The following PPM1L variants were observed in gnomAD, a reference collection of about 807,000 sequenced individuals.
The protein encoded by PPM1L is protein phosphatase, Mg2+/Mn2+ dependent 1L, also known as protein phosphatase 1L.
A neutral mutation model predicts 31.4 loss-of-function variants in PPM1L; 13 were observed. The ratio of observed to expected loss-of-function variants is 0.41; its 90% CI spans 0.27 to 0.66. The LOEUF is 0.66. PPM1L is among the 30% of genes least tolerant of loss of function. The pLI is 0.29. For missense variants in PPM1L, 326 were observed against 453.7 expected (o/e 0.72, Z 2.56); for synonymous variants, 184 against 175.4 (o/e 1.05, Z -0.39).
intron 1 of PPM1L, among the ~76,000 whole-genome samples, chr3:160,960,797 A>C (rs1215041282): frequency 6.6e-6 from 1 of 152,154 alleles, no homozygotes; most frequent in African/African-American, 2.4e-5. Flanking sequence ...CTGTCACTTA[A>C]TTATGCTCAT....
chr3:160,809,424 G>T (rs1237445530), intron 1 of PPM1L, among the ~76,000 whole-genome samples: 3 of 152,084 alleles, frequency 2.0e-5, no homozygotes, highest in Non-Finnish European at 4.4e-5. Flanking sequence ...AGGCCAATTT[G>T]GAGCCAAGAC....
At chr3:161,006,350 G>A (rs1172975074) in intron 2 of PPM1L, among the ~76,000 whole-genome samples, 2 of 152,268 alleles carry the variant, frequency 1.3e-5, no homozygotes, top group South Asian at 2.1e-4. Context: ...AGAGGCTGAG[G>A]GAAGGGGGAA....
intron 2 of PPM1L, among the ~76,000 whole-genome samples, chr3:160,966,009 C>T (rs1040417235): frequency 1.3e-5 from 2 of 151,964 alleles, no homozygotes; most frequent in Admixed American, 6.6e-5. Flanking sequence ...TCTCTCTCTT[C>T]CCCTTTAATA....
At chr3:160,860,616 A>T (rs1711853909) in intron 1 of PPM1L, among the ~76,000 whole-genome samples, 1 of 152,208 alleles carries the variant, frequency 6.6e-6, no homozygotes, top group Non-Finnish European at 1.5e-5. Context: ...TTTGGAAGTT[A>T]CAAAGCCAGG....
intron 1 of PPM1L, among the ~76,000 whole-genome samples, chr3:160,813,730 G>T (rs1245502617): frequency 6.6e-6 from 1 of 152,110 alleles, no homozygotes; most frequent in East Asian, 1.9e-4. Flanking sequence ...CTATAACAAA[G>T]TTTAGCCCAT....
intron 2 of PPM1L, among the ~76,000 whole-genome samples, chr3:161,037,711 C>T (rs955869310): frequency 1.3e-5 from 2 of 149,698 alleles, no homozygotes; most frequent in African/African-American, 2.5e-5. Context: ...GGATTACGGG[C>T]GTGAGCCACT....
intron 1 of PPM1L, among the ~76,000 whole-genome samples, chr3:160,944,789 ATG>A (rs1464702067): frequency 4.3e-5 from 2 of 46,278 alleles, no homozygotes; most frequent in Non-Finnish European, 6.0e-5. Flanking sequence ...TATATTATAT[ATG>A]TTATATATAA....
At chr3:160,991,347 C>G (rs1717128984) in intron 2 of PPM1L, among the ~76,000 whole-genome samples, 1 of 152,016 alleles carries the variant, frequency 6.6e-6, no homozygotes, top group Admixed American at 6.6e-5. Flanking sequence ...ACTTAAGACC[C>G]CAGGGTATTC....
chr3:161,054,608 C>A (rs1167473817), intron 2 of PPM1L, among the ~76,000 whole-genome samples: 2 of 152,088 alleles, frequency 1.3e-5, no homozygotes. Context: ...GTAGCAATGG[C>A]CTGCCCTGAT....
chr3:160,848,880 C>T (rs1336038475), intron 1 of PPM1L, among the ~76,000 whole-genome samples: 1 of 152,160 alleles, frequency 6.6e-6, no homozygotes, highest in Non-Finnish European at 1.5e-5. Flanking sequence ...ATCTGGCAGT[C>T]CTCTAGGATC....
chr3:160,807,529 A>G (rs984438628), intron 1 of PPM1L, among the ~76,000 whole-genome samples: 1 of 152,068 alleles, frequency 6.6e-6, no homozygotes, highest in African/African-American at 2.4e-5. Context: ...TCTTTGTTTT[A>G]TATTGGGACC....
At chr3:160,885,849 A>G (rs1003933167) in intron 1 of PPM1L, among the ~76,000 whole-genome samples, 2 of 152,172 alleles carry the variant, frequency 1.3e-5, no homozygotes, top group Admixed American at 6.5e-5. Flanking sequence ...GGGAGGGGCA[A>G]CCAGCACCAC....
At chr3:160,773,350 T>G (rs1711501504) in intron 1 of PPM1L, among the ~76,000 whole-genome samples, 1 of 151,270 alleles carries the variant, frequency 6.6e-6, no homozygotes, top group Admixed American at 6.6e-5. Context: ...AAAATCTGAC[T>G]TTTGTCCTTG....
At chr3:160,933,755 T>C (rs1018251792) in intron 1 of PPM1L, among the ~76,000 whole-genome samples, 1 of 152,314 alleles carries the variant, frequency 6.6e-6, no homozygotes, top group African/African-American at 2.4e-5. Flanking sequence ...ATAACCTTTC[T>C]TCCTGTCTTT....
At chr3:161,010,164 C>G (rs963242982) in intron 2 of PPM1L, among the ~76,000 whole-genome samples, 26 of 152,128 alleles carry the variant, frequency 1.7e-4, no homozygotes, top group African/African-American at 5.6e-4. Context: ...CCCCCCACCC[C>G]ATGACAGGCC....
chr3:160,866,491 C>T (rs1241647353), intron 1 of PPM1L, among the ~76,000 whole-genome samples: 1 of 152,120 alleles, frequency 6.6e-6, no homozygotes, highest in Non-Finnish European at 1.5e-5. Context: ...CATTTAGGAA[C>T]TTAATTCTTA....
chr3:161,020,084 C>T (rs916827402), intron 2 of PPM1L, among the ~76,000 whole-genome samples: 3 of 150,548 alleles, frequency 2.0e-5, no homozygotes, highest in African/African-American at 4.9e-5. Context: ...CAAGATCGTG[C>T]CACTGCACTC....
chr3:160,961,955 A>G lies in PPM1L; in HGVS notation c.574+45A>G, dbSNP rs1018679070. On this transcript the variant is annotated intron_variant, in intron 2 of 3. Transcript: ENST00000498165. ...ACACATTTTTTTTCCTTGCAAAAAA[A>G]ATTCATTATAAACCTTGATTAAACT... 9 of 1,476,772 alleles carry G rather than the reference A, an allele frequency of 6.1e-6. No homozygotes were observed. The Admixed American group carries it at 7.1e-5, about 12-fold the overall frequency. The allele number at this position is 1,476,772 out of a possible 1,614,324, so 91.5% of individuals were successfully genotyped here. A position where few individuals can be genotyped will look rare whatever the true frequency, so the allele number is the denominator to read the frequency against.
chr3:160,903,201 T>TGTGTG (rs1553819675), intron 1 of PPM1L, among the ~76,000 whole-genome samples: 34 of 88,644 alleles, frequency 3.8e-4, no homozygotes, highest in South Asian at 2.0e-3. Flanking sequence ...GTGGTATGTG[T>TGTGTG]GTATGTTTGT....
Sources: gnomAD v4.1 joint callset for allele counts (sites outside exome capture counted in the v4.1 genomes callset) on GRCh38, gnomAD v4.1.1 for gene constraint, MANE v1.5 for transcripts, NCBI Gene and HGNC (gene_info 2026-07-23, HGNC 2026-07-21) for gene names.